PLCD4: variants seen among roughly 807,000 people sequenced by gnomAD.
The protein encoded by PLCD4 is 1-phosphatidylinositol 4,5-bisphosphate phosphodiesterase delta-4.
PLCD4 carries 63 observed loss-of-function variants against 90.2 expected under a neutral mutation model. The observed-to-expected ratio is 0.70, with a 90% CI of 0.57 to 0.86. The LOEUF (loss-of-function observed/expected upper bound fraction) is 0.86. Among genes scored for constraint, PLCD4 ranks in the 40% least tolerant of loss-of-function variants. The pLI is 0.00. For synonymous variants in PLCD4, 294 were observed against 356.5 expected (o/e 0.82, Z 1.97); for missense variants, 830 against 956.3 (o/e 0.87, Z 1.74).
intron 6 of PLCD4, among the ~76,000 whole-genome samples, chr2:218,627,618 T>C (rs1696174539): frequency 6.6e-6 from 1 of 151,870 alleles, no homozygotes; most frequent in Non-Finnish European, 1.5e-5. Flanking sequence ...GTTCACGCCA[T>C]TCTCCTGCCT....
intron 3 of PLCD4, among the ~76,000 whole-genome samples, chr2:218,616,935 G>T (rs866972809): frequency 0.26 from 3,053 of 11,890 alleles, 12 homozygotes; most frequent in South Asian, 0.31. Context: ...TATAGAGAGA[G>T]AGAGAGAGAG....
intron 9 of PLCD4, 79 bp downstream of exon 9, chr2:218,630,881 T>G (rs1696332061): frequency 4.9e-6 from 7 of 1,416,246 alleles, no homozygotes; most frequent in Non-Finnish European, 6.6e-6. Flanking sequence ...TCTATGCCCC[T>G]CTTTGTTCCC....
rs559956575 is a variant in PLCD4, at chr2:218,610,487, G to A, written c.-34+2417G>A. ...CATGCCACTGCACTCCAGCCTGGGCGACAGAGTGACACTCCGTCTCAAAAA... is the reference window on the plus strand; with the variant it reads ...CATGCCACTGCACTCCAGCCTGGGCAACAGAGTGACACTCCGTCTCAAAAA... On this transcript the variant is annotated intron_variant, in intron 1 of 15. Transcript: ENST00000450993. Among the ~76,000 whole-genome samples, 23 of 151,764 alleles carry A rather than the reference G, an allele frequency of 1.5e-4. No individual in the cohort carries two copies. The East Asian group carries it at 2.5e-3, about 17-fold the overall frequency.
At position 218,628,179 on chromosome 2, in the gene PLCD4, A is replaced by G; in HGVS notation, c.923A>G (p.Tyr308Cys). 3.7e-6 allele frequency: 6 copies of G among 1,613,944 alleles called. No homozygotes were observed. Among genetic ancestry groups the G allele is most frequent in the Non-Finnish European group, 5.1e-6 (6 of 1,179,880 alleles). Residue 308 changes from tyrosine to cysteine, a missense_variant, in exon 7 of 16, where the codon TAC becomes TGC. By Grantham distance (194) the Tyr-to-Cys change is radical (BLOSUM62 -2). Coordinates refer to ENST00000450993, the MANE Select transcript of PLCD4 (RefSeq NM_032726.4). ...HYFICSSHNT[Y>C]LVGDQLCGQS... ...TTCATCTGCTCTTCTCATAACACCT[A>G]CCTAGTGGGGGACCAGCTTTGTGGC...
chr2:218,635,910 A>G lies in PLCD4; in HGVS notation c.2011A>G (p.Thr671Ala), dbSNP rs752036927. 1 of 1,613,872 alleles carries G rather than the reference A, an allele frequency of 6.2e-7. No individual in the cohort carries two copies. Among genetic ancestry groups the G allele is most frequent in the Non-Finnish European group, 8.5e-7 (1 of 1,179,902 alleles). Residue 671 changes from threonine to alanine, a missense_variant, in exon 14 of 16, where the codon ACC (threonine) becomes GCC (alanine). By Grantham distance (58) the Thr-to-Ala change is moderately conservative. Transcript: ENST00000450993. ...GVRLDTARQETNYVENNGFNP... is the reference protein window; with the variant it reads ...GVRLDTARQEANYVENNGFNP... The stretch of plus-strand genomic sequence containing the variant: ...TCGTCTAGACACAGCACGGCAGGAG[A>G]CCAACTATGTGGAGAACAATGGTGA...
At chr2:218,623,457 C>T (rs1185778067) in intron 6 of PLCD4, among the ~76,000 whole-genome samples, 2 of 152,318 alleles carry the variant, frequency 1.3e-5, no homozygotes. Flanking sequence ...CGCTCTTGTT[C>T]TTCAAAGTTT....
At chr2:218,633,514 A>C (rs749897534) in intron 10 of PLCD4, 91 bp from the exon 11 acceptor site, 1 of 1,428,810 alleles carries the variant, frequency 7.0e-7, no homozygotes, top group South Asian at 1.2e-5. Context: ...GTGGGGAGGC[A>C]GTGGGCAGAG....
At chr2:218,622,357 A>T in intron 5 of PLCD4, 1 of 228,592 alleles carries the variant, frequency 4.4e-6, no homozygotes, top group Non-Finnish European at 8.4e-6. Context: ...GAAGTGATTT[A>T]TTCTATGAAC....
chr2:218,620,255 G>A (rs1464046356), intron 4 of PLCD4, among the ~76,000 whole-genome samples: 2 of 152,092 alleles, frequency 1.3e-5, no homozygotes, highest in Non-Finnish European at 2.9e-5. Flanking sequence ...ATTAATCCCA[G>A]CACTTTGAGA....
rs752607178 is a variant in PLCD4, at chr2:218,634,190, C to T, written c.1692C>T (p.Pro564=). Residue 564 remains proline (P), a synonymous_variant, in exon 12 of 16, where the codon CCC becomes CCT. Coordinates refer to ENST00000450993, the MANE Select transcript of PLCD4 (RefSeq NM_032726.4). This position sits in a 1 kb window ranked among gnomAD's most constrained non-coding sequence, Gnocchi z 4.0. Reference sequence around the variant, plus strand: ...GGACAGACTCTTCCAACTACAACCCCCAGGAACTCTGGAATGCAGGCTGCC... The same window carrying T: ...GGACAGACTCTTCCAACTACAACCCTCAGGAACTCTGGAATGCAGGCTGCC... ...GLRTDSSNYN[P]QELWNAGCQM... The T allele has an allele frequency of 1.9e-6, 3 of 1,611,730 alleles. No homozygotes were observed. The African/African-American group carries it at 4.0e-5, about 22-fold the overall frequency.
At chr2:218,622,394 G>A (rs1695925780) in intron 5 of PLCD4, 2 of 315,454 alleles carry the variant, frequency 6.3e-6, no homozygotes, top group African/African-American at 2.2e-5. Flanking sequence ...TTCCGTGGGA[G>A]TTTTATGGAA....
chr2:218,621,431 A>G (rs1695876181), intron 4 of PLCD4, 39 bp from the exon 5 acceptor site: 7 of 1,603,180 alleles, frequency 4.4e-6, no homozygotes, highest in Non-Finnish European at 5.9e-6. Context: ...TGCACACACA[A>G]ACAGATACAT....
rs900210290 is a variant in PLCD4 at position 218,636,892 on chromosome 2, T to C, written c.*315T>C. 4.2e-6 allele frequency: 2 copies of C among 478,100 alleles called. No individual in the cohort carries two copies. The highest frequency in any genetic ancestry group is 8.3e-6 in the Non-Finnish European group (2 of 242,032). 29.6% of individuals were successfully genotyped at this position (478,100 alleles called of 1,614,324 possible). The stretch of plus-strand genomic sequence containing the variant: ...CCCATACCGACATCTACAACTAATC[T>C]TTCCCATCAACTCTGTGTGAAGGCA... On this transcript the variant is annotated 3_prime_UTR_variant, in exon 16 of 16. Coordinates refer to ENST00000450993, the MANE Select transcript of PLCD4 (RefSeq NM_032726.4).
At chr2:218,608,432 A>G (rs549998411) in intron 1 of PLCD4, among the ~76,000 whole-genome samples, 19 of 152,324 alleles carry the variant, frequency 1.2e-4, no homozygotes, top group Non-Finnish European at 1.9e-4. Context: ...AGGGTTGCAA[A>G]ATAGGGGTTG....
chr2:218,615,877 A>G lies in PLCD4; in HGVS notation c.23-27A>G, dbSNP rs745881425. ...GGGCCTGCTACCCTCTCTGCTGGCT[A>G]CCTAACCCCTGCTTTTCCTGACCTA... is the stretch of plus-strand genomic sequence containing the variant. On this transcript the variant is annotated intron_variant, in intron 2 of 15. Transcript: ENST00000450993. The G allele has an allele frequency of 1.8e-5, 29 of 1,612,718 alleles. No homozygotes were observed. The African/African-American group carries it at 3.5e-4, about 19-fold the overall frequency.
In PLCD4 at chr2:218,629,503, G is replaced by A. The variant is rs746737439; in HGVS notation, c.975-16G>A. 19 of 1,611,566 alleles carry A rather than the reference G, an allele frequency of 1.2e-5. No homozygotes were observed. The South Asian group carries it at 2.0e-4, about 17-fold the overall frequency. Reference sequence around the variant, plus strand: ...TTGACCTCTCCTATTTCTCGGTGGGGATGGGGTTCTTTCAGGGCCCTGAAG... The same window carrying A: ...TTGACCTCTCCTATTTCTCGGTGGGAATGGGGTTCTTTCAGGGCCCTGAAG... On this transcript the variant is annotated splice_polypyrimidine_tract_variant and intron_variant, in intron 7 of 15. Transcript: ENST00000450993.
At chr2:218,616,927 TAGAG>T (rs71266346) in intron 3 of PLCD4, among the ~76,000 whole-genome samples, 61 of 13,716 alleles carry the variant, frequency 4.4e-3, no homozygotes, top group African/African-American at 0.01. Context: ...TATATATATA[TAGAG>T]AGAGAGAGAG....
In PLCD4 at chr2:218,616,051, C is replaced by T. The variant is rs1447060648; in HGVS notation, c.170C>T (p.Ala57Val). 1.2e-6 allele frequency: 2 copies of T among 1,613,318 alleles called. No homozygotes were observed. The highest frequency in any genetic ancestry group is 2.2e-5 in the East Asian group (1 of 44,890). ...CATGCACGGCAGGCCAGGGGCAGTGCCAAGCCCAGCTGTGAGTGACCTGGA... is the reference window on the plus strand; with the variant it reads ...CATGCACGGCAGGCCAGGGGCAGTGTCAAGCCCAGCTGTGAGTGACCTGGA... ...VWHARQARGS[A>V]KPSFSISDVE... Residue 57 changes from alanine (A) to valine (V), a missense_variant, in exon 3 of 16, where the codon GCC becomes GTC. By Grantham distance (64) the Ala-to-Val change is moderately conservative. Coordinates refer to ENST00000450993, the MANE Select transcript of PLCD4 (RefSeq NM_032726.4).
At chr2:218,636,420 A>G in intron 15 of PLCD4, 28 bp downstream of exon 15, 1 of 1,613,666 alleles carries the variant, frequency 6.2e-7, no homozygotes, top group South Asian at 1.1e-5. Flanking sequence ...GCCCCTGGCC[A>G]ATACCCCAGC....
Sources: allele counts gnomAD v4.1 joint callset (sites outside exome capture counted in the v4.1 genomes callset), GRCh38; gene constraint gnomAD v4.1.1; non-coding constraint Gnocchi (gnomAD v3.1); transcripts MANE v1.5; gene names NCBI Gene and HGNC (gene_info 2026-07-23, HGNC 2026-07-21).